EFEMP2: variants seen among roughly 807,000 people sequenced by gnomAD.
EFEMP2 encodes the protein EGF-containing fibulin-like extracellular matrix protein 2.
In EFEMP2, 21 loss-of-function variants were observed where a neutral mutation model predicts 55.3. The observed-to-expected ratio is 0.38, with a 90% confidence interval of 0.27 to 0.55. The LOEUF is 0.55. Among genes scored for constraint, EFEMP2 ranks in the 20% least tolerant of loss-of-function variants. The pLI is 0.77. For synonymous variants in EFEMP2, 275 were observed against 242.3 expected, an observed-to-expected ratio of 1.14 and a Z score of -1.25; for missense variants, 513 against 615.1, an observed-to-expected ratio of 0.83 and a Z score of 1.76.
Position 65,866,745 on chromosome 11 carries a change from T to C in EFEMP2, c.*173A>G, listed in dbSNP as rs1859851626. On this transcript the variant is annotated 3_prime_UTR_variant, in exon 11 of 11. Coordinates refer to ENST00000307998, the MANE Select transcript of EFEMP2 (RefSeq NM_016938.5). ...TATAGAGACCCCCATTTAGGTGAAC[T>C]TGGCCTGCCCCCCCAAGTGCCACCC... 2.4e-6 allele frequency: 2 copies of C among 837,634 alleles called. No homozygotes were observed. Among genetic ancestry groups the C allele is most frequent in the Admixed American group, 2.0e-5 (1 of 50,082 alleles). The allele number at this position is 837,634 out of a possible 1,614,324, so 51.9% of individuals were successfully genotyped here. A position where few individuals can be genotyped will look rare whatever the true frequency, so the allele number is the denominator to read the frequency against.
intron 10 of EFEMP2, chr11:65,867,641 A>G: frequency 1.6e-6 from 1 of 612,032 alleles, no homozygotes; most frequent in Non-Finnish European, 2.9e-6. Context: ...GAAAACCAGT[A>G]CCAGGACTCA....
chr11:65,867,242 C>T (rs539386351), intron 10 of EFEMP2, 163 bp from the exon 11 acceptor site: 2 of 741,170 alleles, frequency 2.7e-6, no homozygotes, highest in East Asian at 5.4e-5. Context: ...CTCGATGTCT[C>T]TCCTCCCCAC....
intron 4 of EFEMP2, chr11:65,870,921 G>A: frequency 1.4e-6 from 1 of 706,514 alleles, no homozygotes; most frequent in Non-Finnish European, 2.4e-6. Context: ...GACAGACACT[G>A]GAAGGCAGAC....
At position 65,868,283 on chromosome 11, in the gene EFEMP2, G is replaced by A. The variant is rs772378278; in HGVS notation, c.974+12C>T. 1.4e-5 allele frequency: 22 copies of A among 1,613,360 alleles called. No homozygotes were observed. In the Admixed American group the frequency reaches 1.5e-4, roughly 11 times the overall value. Reference sequence around the variant, plus strand: ...GTAGTTTCTGTGGGGGCCTGGCATCGAATTGACTCACTTCTCAGAGACCTG... The same window carrying A: ...GTAGTTTCTGTGGGGGCCTGGCATCAAATTGACTCACTTCTCAGAGACCTG... On this transcript the variant is annotated intron_variant, in intron 9 of 10. Coordinates refer to ENST00000307998, the MANE Select transcript of EFEMP2 (RefSeq NM_016938.5).
Position 65,866,823 on chromosome 11 carries a change from ACTTT to A in EFEMP2, c.*91_*94del, listed in dbSNP as rs780606460. The stretch of plus-strand genomic sequence containing the variant: ...TGACCCGCCCACCTCAGCCACCAGG[ACTTT>A]CTTTCTCCCTTTATTGCCTTTCTCA... On this transcript the variant is annotated 3_prime_UTR_variant, in exon 11 of 11. Transcript: ENST00000307998. The A allele has an allele frequency of 2.7e-6, 4 of 1,496,546 alleles. No individual in the cohort carries two copies. Among genetic ancestry groups the A allele is most frequent in the South Asian group, 1.2e-5 (1 of 85,404 alleles). The allele number at this position is 1,496,546 out of a possible 1,614,324, so 92.7% of individuals were successfully genotyped here. A position where few individuals can be genotyped will look rare whatever the true frequency, so the allele number is the denominator to read the frequency against.
Position 65,868,568 on chromosome 11 carries a change from G to T in EFEMP2, c.789C>A (p.Gly263=), listed in dbSNP as rs755167697. The change falls in exon 8 of 11, where the codon GGC becomes GGA. Residue 263 remains glycine, a synonymous_variant. Transcript: ENST00000307998. ...CCTGTGGGCAGTGGCAGGAGAAACG[G>T]CCTGGCTCGTTGATGCAGCGGTACT... ...LCQYRCINEP[G]RFSCHCPQGY... 5.6e-6 allele frequency: 9 copies of T among 1,613,880 alleles called. No homozygotes were observed. In the African/African-American group the frequency reaches 9.3e-5, roughly 17 times the overall value.
At chr11:65,870,753 A>C (rs1859951681) in intron 4 of EFEMP2, 95 bp from the exon 5 acceptor site, 5 of 1,585,922 alleles carry the variant, frequency 3.2e-6, no homozygotes, top group Non-Finnish European at 4.3e-6. Flanking sequence ...TCTCAACAGC[A>C]CGCGTAAGAG....
chr11:65,872,101 C>G, intron 2 of EFEMP2, 83 bp from the exon 3 acceptor site: 1 of 1,536,210 alleles, frequency 6.5e-7, no homozygotes, highest in Non-Finnish European at 8.8e-7. Flanking sequence ...TGAGCCTGGC[C>G]ACCCTCCGGC....
chr11:65,869,983 G>C lies in EFEMP2; in HGVS notation c.608-7C>G. 1.2e-6 allele frequency: 2 copies of C among 1,613,828 alleles called. No individual in the cohort carries two copies. The highest frequency in any genetic ancestry group is 1.7e-6 in the Non-Finnish European group (2 of 1,179,928). On this transcript the variant is annotated splice_region_variant and splice_polypyrimidine_tract_variant and intron_variant, in intron 6 of 10. Coordinates refer to ENST00000307998, the MANE Select transcript of EFEMP2 (RefSeq NM_016938.5). ...ATGTCACACTCGTTCACATCTGGGG[G>C]TGCCAGGAAAAACAGGAGGGATGAA...
At chr11:65,870,261 A>G (rs1591067082) in intron 5 of EFEMP2, 24 bp from the exon 6 acceptor site, 2 of 1,598,164 alleles carry the variant, frequency 1.3e-6, no homozygotes, top group East Asian at 5.3e-5. Flanking sequence ...CAGGAGAAGG[A>G]GGGCGGAGGG....
intron 5 of EFEMP2, 60 bp downstream of exon 5, chr11:65,870,476 G>C: frequency 1.2e-6 from 2 of 1,609,746 alleles, no homozygotes; most frequent in Non-Finnish European, 1.7e-6. Flanking sequence ...TCAGGTGCTA[G>C]GGCAAGGGCC....
Position 65,872,340 on chromosome 11 carries a change from G to A in EFEMP2, c.15C>T (p.Ala5=). 2 of 1,551,414 alleles carry A rather than the reference G, an allele frequency of 1.3e-6. No homozygotes were observed. The highest frequency in any genetic ancestry group is 2.4e-5 in the South Asian group (2 of 84,054). Residue 5 remains alanine, a synonymous_variant, in exon 2 of 11, where the codon GCC becomes GCT. Transcript: ENST00000307998. ...GCAGTAGAGACCCGGGTAGGCAGGA[G>A]GCGCAGGGGAGCATCCTGGGGCTGC... is the stretch of plus-strand genomic sequence containing the variant. MLPC[A]SCLPGSLLLW...
intron 7 of EFEMP2, chr11:65,869,385 G>T (rs1356330368): frequency 4.6e-6 from 1 of 216,962 alleles, no homozygotes; most frequent in Non-Finnish European, 9.4e-6. Flanking sequence ...AGAGGAAGGA[G>T]GCCAAGTGTG....
intron 3 of EFEMP2, 58 bp from the exon 4 acceptor site, chr11:65,871,421 G>A (rs565457999): frequency 2.3e-5 from 35 of 1,542,072 alleles, no homozygotes; most frequent in Admixed American, 1.0e-4. Flanking sequence ...TGGAGGGAGC[G>A]GAGGCAGGAA....
chr11:65,869,761 C>T lies in EFEMP2; in HGVS notation c.727+96G>A, dbSNP rs549705247. The T allele has an allele frequency of 8.8e-5, 139 of 1,575,742 alleles. No individual in the cohort carries two copies. In the African/African-American group the frequency reaches 1.2e-3, roughly 13 times the overall value. On this transcript the variant is annotated intron_variant, in intron 7 of 10. Coordinates refer to ENST00000307998, the MANE Select transcript of EFEMP2 (RefSeq NM_016938.5). ...CAGCTGGGTGCACAGTGACAGGAGG[C>T]GGAGGCCTCAAATGGAGAACTGTGT...
At position 65,872,348 on chromosome 11, in the gene EFEMP2, G is replaced by T. The variant is rs1436359315; in HGVS notation, c.7C>A (p.Pro3Thr). 1.3e-6 allele frequency: 2 copies of T among 1,550,334 alleles called. No individual in the cohort carries two copies. Among genetic ancestry groups the T allele is most frequent in the Non-Finnish European group, 1.7e-6 (2 of 1,146,028 alleles). The change falls in exon 2 of 11, where the codon CCC (proline) becomes ACC (threonine). Residue 3 changes from proline (P) to threonine (T), a missense_variant. By Grantham distance (38) the Pro-to-Thr change is conservative (BLOSUM62 -1). Coordinates refer to ENST00000307998, the MANE Select transcript of EFEMP2 (RefSeq NM_016938.5). ...GACCCGGGTAGGCAGGAGGCGCAGGGGAGCATCCTGGGGCTGCGAGATGGT... is the reference window on the plus strand; with the variant it reads ...GACCCGGGTAGGCAGGAGGCGCAGGTGAGCATCCTGGGGCTGCGAGATGGT... ML[P>T]CASCLPGSLL...
chr11:65,870,344 G>T, intron 5 of EFEMP2, 107 bp from the exon 6 acceptor site: 1 of 1,425,980 alleles, frequency 7.0e-7, no homozygotes, highest in Non-Finnish European at 9.9e-7. Flanking sequence ...CTGTGTCCGA[G>T]GAGCTGAATT....
In EFEMP2 at chr11:65,870,263, G is replaced by A. The variant is rs748959074; in HGVS notation, c.491-26C>T. The stretch of plus-strand genomic sequence containing the variant: ...CTAGGGATAGAGGCAGGAGAAGGAG[G>A]GCGGAGGGCAGAGGGCAGAGGGCAG... On this transcript the variant is annotated intron_variant, in intron 5 of 10. Coordinates refer to ENST00000307998, the MANE Select transcript of EFEMP2 (RefSeq NM_016938.5). The A allele has an allele frequency of 2.5e-5, 40 of 1,598,386 alleles. No individual in the cohort carries two copies. In the Admixed American group the frequency reaches 5.2e-4, roughly 21 times the overall value.
chr11:65,867,284 G>T, intron 10 of EFEMP2: 1 of 625,286 alleles, frequency 1.6e-6, no homozygotes, highest in Non-Finnish European at 2.8e-6. Context: ...TCTCCTGCTG[G>T]GGCTCTTCTC....
Sources: gnomAD v4.1 joint callset for allele counts on GRCh38, gnomAD v4.1.1 for gene constraint, MANE v1.5 for transcripts, NCBI Gene and HGNC (gene_info 2026-07-23, HGNC 2026-07-21) for gene names.